The following HDLBP variants were observed in gnomAD, a reference collection of about 807,000 sequenced individuals.
HDLBP encodes vigilin.
HDLBP carries 30 observed loss-of-function variants against 137.3 expected under a neutral mutation model. The observed-to-expected ratio is 0.22, with a 90% confidence interval of 0.16 to 0.30. HDLBP has a LOEUF of 0.30. Ranked by LOEUF, HDLBP falls within the 10% of genes least tolerant of loss-of-function variation. The pLI, the probability that HDLBP is intolerant of heterozygous loss-of-function variation, is 1.00. For synonymous variants in HDLBP, 606 were observed against 596.0 expected, an observed-to-expected ratio of 1.02 and a Z score of -0.24; for missense variants, 1,119 against 1,667.3, an observed-to-expected ratio of 0.67 and a Z score of 5.73.
At chr2:241,301,225 G>A (rs538502239) in intron 1 of HDLBP, among the ~76,000 whole-genome samples, 2 of 150,840 alleles carry the variant, frequency 1.3e-5, no homozygotes, top group East Asian at 1.9e-4. Context: ...CTGACCTCGT[G>A]ATCTGCCCAC....
chr2:241,312,817 T>C (rs943871514), intron 1 of HDLBP, among the ~76,000 whole-genome samples: 1 of 152,254 alleles, frequency 6.6e-6, no homozygotes, highest in African/African-American at 2.4e-5. Context: ...AGAATCCATA[T>C]GACCCACGAA....
rs1472413226 is a variant in HDLBP, at chr2:241,229,466, C to T, written c.*135G>A. The T allele has an allele frequency of 4.5e-6, 3 of 672,642 alleles. No homozygotes were observed. Among genetic ancestry groups the T allele is most frequent in the Non-Finnish European group, 5.1e-6 (2 of 393,058 alleles). The allele number at this position is 672,642 out of a possible 1,614,324, so 41.7% of individuals were successfully genotyped here. A position where few individuals can be genotyped will look rare whatever the true frequency, so the allele number is the denominator to read the frequency against. ...CGCACACACAGCCAGGCGCTAGGCTCCCTGCGGGACCTCGGGAAGGGGGAA... is the reference window on the plus strand; with the variant it reads ...CGCACACACAGCCAGGCGCTAGGCTTCCTGCGGGACCTCGGGAAGGGGGAA... On this transcript the variant is annotated 3_prime_UTR_variant, in exon 28 of 28. Coordinates refer to ENST00000310931, the MANE Select transcript of HDLBP (RefSeq NM_005336.6).
chr2:241,282,467 T>G (rs575664527), intron 1 of HDLBP, among the ~76,000 whole-genome samples: 6 of 152,328 alleles, frequency 3.9e-5, no homozygotes, highest in Admixed American at 3.9e-4. Flanking sequence ...TAACACTTCC[T>G]ACTTCTAAGA....
intron 3 of HDLBP, 51 bp from the exon 4 acceptor site, chr2:241,264,656 G>C: frequency 1.9e-6 from 3 of 1,566,834 alleles, no homozygotes; most frequent in Non-Finnish European, 2.6e-6. Flanking sequence ...AGCATTACAT[G>C]AAAAACACTT....
At chr2:241,258,516 CCT>C (rs2072905125) in intron 5 of HDLBP, among the ~76,000 whole-genome samples, 1 of 151,862 alleles carries the variant, frequency 6.6e-6, no homozygotes, top group African/African-American at 2.4e-5. Flanking sequence ...AGGCTGAGAC[CCT>C]GTGTTACAAC....
At chr2:241,306,759 G>A (rs1384524735) in intron 1 of HDLBP, among the ~76,000 whole-genome samples, 1 of 151,766 alleles carries the variant, frequency 6.6e-6, no homozygotes, top group African/African-American at 2.4e-5. Context: ...GTGCATGCCT[G>A]TAGTCCCAGC....
intron 1 of HDLBP, among the ~76,000 whole-genome samples, chr2:241,306,663 A>T (rs1334618956): frequency 6.6e-6 from 1 of 151,232 alleles, no homozygotes; most frequent in Non-Finnish European, 1.5e-5. Context: ...ACAGCACTTC[A>T]TTGGGAGGCC....
chr2:241,265,906 C>T (rs970492010), intron 3 of HDLBP, among the ~76,000 whole-genome samples: 2 of 152,198 alleles, frequency 1.3e-5, no homozygotes, highest in African/African-American at 2.4e-5. Context: ...AGCAGCTTCT[C>T]GGGTTCCAAC....
At position 241,255,303 on chromosome 2, in the gene HDLBP, C is replaced by T. The variant is rs903043986; in HGVS notation, c.1080+71G>A. The T allele has an allele frequency of 2.0e-5, 30 of 1,469,566 alleles. 1 individual carries two copies. The highest frequency in any genetic ancestry group is 1.8e-4 in the African/African-American group (13 of 71,934). The allele number at this position is 1,469,566 out of a possible 1,614,324, so 91.0% of individuals were successfully genotyped here. A position where few individuals can be genotyped will look rare whatever the true frequency, so the allele number is the denominator to read the frequency against. On this transcript the variant is annotated intron_variant, in intron 8 of 27. Transcript: ENST00000310931. ...TGTCCAGGCCCCAGGATTTACAAAT[C>T]GAGAGCTCATCCATGAAGGCCCCGC...
chr2:241,276,089 AAGAC>A (rs547571594), intron 1 of HDLBP, among the ~76,000 whole-genome samples: 7 of 152,336 alleles, frequency 4.6e-5, no homozygotes, highest in East Asian at 3.9e-4. Flanking sequence ...AATAAAATAA[AAGAC>A]AGAATTAAAA....
intron 5 of HDLBP, among the ~76,000 whole-genome samples, chr2:241,258,057 C>G (rs2072833797): frequency 6.6e-6 from 1 of 152,090 alleles, no homozygotes. Context: ...AGTCCAAGAT[C>G]AGCCTGGGCA....
chr2:241,306,601 G>C (rs980939796), intron 1 of HDLBP, among the ~76,000 whole-genome samples: 9 of 152,038 alleles, frequency 5.9e-5, no homozygotes, highest in African/African-American at 2.2e-4. Flanking sequence ...AAATCCTACA[G>C]GTCAAAAAGT....
At chr2:241,232,693 A>G (rs1202667835) in intron 24 of HDLBP, among the ~76,000 whole-genome samples, 1 of 152,140 alleles carries the variant, frequency 6.6e-6, no homozygotes, top group Non-Finnish European at 1.5e-5. Flanking sequence ...TCACAGCTGT[A>G]GTCCCAGCTA....
Position 241,230,610 on chromosome 2 carries a change from G to T in HDLBP, c.3474+149C>A. On this transcript the variant is annotated intron_variant, in intron 25 of 27. Transcript: ENST00000310931. The surrounding 1 kb of genome is among the most constrained non-coding windows in gnomAD (Gnocchi z 5.0). ...CACAGGCCGTCGCCTGCACTGACCC[G>T]TGGTGTCCATGAGGACAGTTCCACT... 1 of 699,376 alleles carries T rather than the reference G, an allele frequency of 1.4e-6. No individual in the cohort carries two copies. Among genetic ancestry groups the T allele is most frequent in the Non-Finnish European group, 2.4e-6 (1 of 413,808 alleles). 43.3% of individuals were successfully genotyped at this position (699,376 alleles called of 1,614,324 possible). A position where few individuals can be genotyped will look rare whatever the true frequency, so the allele number is the denominator to read the frequency against.
At chr2:241,295,994 G>A (rs542283581) in intron 1 of HDLBP, among the ~76,000 whole-genome samples, 1 of 151,528 alleles carries the variant, frequency 6.6e-6, no homozygotes, top group East Asian at 1.9e-4. Flanking sequence ...ATTTGTTACG[G>A]CAGCCCTGGG....
At chr2:241,241,138 CA>C (rs2071169790) in intron 17 of HDLBP, among the ~76,000 whole-genome samples, 2 of 152,148 alleles carry the variant, frequency 1.3e-5, no homozygotes, top group South Asian at 4.2e-4. Flanking sequence ...CCCAGAAACG[CA>C]AGGCTGGTTA....
At chr2:241,286,316 T>A (rs1313208676) in intron 1 of HDLBP, among the ~76,000 whole-genome samples, 1 of 152,112 alleles carries the variant, frequency 6.6e-6, no homozygotes, top group East Asian at 1.9e-4. Flanking sequence ...ATCACTAAGT[T>A]AAAAGGAAAA....
chr2:241,227,445 CAAG>C lies in HDLBP; in HGVS notation c.*2153_*2155del, dbSNP rs887773447. The C allele has an allele frequency of 2.0e-5, 3 of 152,504 alleles. No homozygotes were observed. Among genetic ancestry groups the C allele is most frequent in the African/African-American group, 7.2e-5 (3 of 41,436 alleles). 9.4% of individuals were successfully genotyped at this position (152,504 alleles called of 1,614,324 possible). On this transcript the variant is annotated 3_prime_UTR_variant, in exon 28 of 28. Coordinates refer to ENST00000310931, the MANE Select transcript of HDLBP (RefSeq NM_005336.6). The stretch of plus-strand genomic sequence containing the variant: ...AACAGATGATATGGAAGACATCCAA[CAAG>C]GAGGAAAAGCACACGCACGCCTCAC...
rs566686312 is a variant in HDLBP at position 241,286,131 on chromosome 2, C to T, written c.-102-17590G>A. Among the ~76,000 whole-genome samples, 15 of 152,134 alleles carry T rather than the reference C, an allele frequency of 9.9e-5. No homozygotes were observed. The South Asian group carries it at 1.0e-3, about 11-fold the overall frequency. On this transcript the variant is annotated intron_variant, in intron 1 of 27. Transcript: ENST00000310931. ...TTAAATGAATGCTGAAAATCCTAGA[C>T]GACATATTATCAATTTCATTTACAT...
Sources: gnomAD v4.1 joint callset for allele counts (sites outside exome capture counted in the v4.1 genomes callset) on GRCh38, gnomAD v4.1.1 for gene constraint, Gnocchi (gnomAD v3.1) non-coding constraint, MANE v1.5 for transcripts, NCBI Gene and HGNC (gene_info 2026-07-23, HGNC 2026-07-21) for gene names.